Variants in NSUN4 observed in about 807,000 individuals in gnomAD.
NSUN4 encodes NOP2/Sun RNA methyltransferase 4.
In NSUN4, 31 loss-of-function variants were observed where a neutral mutation model predicts 43.8. The ratio of observed to expected loss-of-function variants is 0.71; its 90% CI spans 0.53 to 0.96. The LOEUF (loss-of-function observed/expected upper bound fraction) is 0.96, where lower values mean the gene tolerates loss of function less well. NSUN4 is among the 40% of genes least tolerant of loss of function. The pLI is 0.00. For synonymous variants in NSUN4, 167 were observed against 184.1 expected (o/e 0.91, Z 0.75); for missense variants, 439 against 475.6 (o/e 0.92, Z 0.72).
chr1:46,364,415 G>A lies in NSUN4; in HGVS notation c.*2569G>A, dbSNP rs41294486. On this transcript the variant is annotated 3_prime_UTR_variant, in exon 6 of 6. Coordinates refer to ENST00000474844, the MANE Select transcript of NSUN4 (RefSeq NM_199044.4). ...AGCTCGGCCAGGTGCGGTGGCTCAC[G>A]CCTGTAATCCCAAAACTTTGGAAGG... The A allele has an allele frequency of 0.065, 9,802 of 151,214 alleles. 444 individuals carry two copies. The highest frequency in any genetic ancestry group is 0.11 in the Middle Eastern group (33 of 294). 9.4% of individuals were successfully genotyped at this position (151,214 alleles called of 1,614,324 possible).
At chr1:46,360,939 G>A in intron 5 of NSUN4, 111 bp downstream of exon 5, 1 of 1,225,406 alleles carries the variant, frequency 8.2e-7, no homozygotes, top group Non-Finnish European at 1.2e-6. Flanking sequence ...TATGGCTGGA[G>A]ATCTGCCTAG....
At chr1:46,375,347 A>G in the NSUN4 span, among the ~76,000 whole-genome samples, 2 of 150,644 alleles carry the variant, frequency 1.3e-5, no homozygotes, top group East Asian at 4.1e-4. Context: ...AGGCAGGAGA[A>G]TTGCTTGAAC....
At chr1:46,348,709 CAAAAAAAAAAAA>C (rs34999763) in intron 3 of NSUN4, among the ~76,000 whole-genome samples, 3 of 52,138 alleles carry the variant, frequency 5.8e-5, no homozygotes, top group South Asian at 2.5e-3. Flanking sequence ...AACTCTGTCT[CAAAAAAAAAAAA>C]AAAAAAAAAA....
intron 4 of NSUN4, among the ~76,000 whole-genome samples, chr1:46,358,516 C>T (rs1374048539): frequency 6.6e-6 from 1 of 151,312 alleles, no homozygotes; most frequent in Non-Finnish European, 1.5e-5. Context: ...ATTCTTCTGC[C>T]TCAGCCTCCC....
At chr1:46,349,180 C>T (rs1399058573) in intron 3 of NSUN4, among the ~76,000 whole-genome samples, 1 of 147,550 alleles carries the variant, frequency 6.8e-6, no homozygotes, top group Non-Finnish European at 1.5e-5. Context: ...TGTTCTGTCA[C>T]CCAGGCTGGA....
intron 2 of NSUN4, among the ~76,000 whole-genome samples, chr1:46,346,502 A>G (rs1662505388): frequency 6.7e-6 from 1 of 149,102 alleles, no homozygotes; most frequent in African/African-American, 2.5e-5. Context: ...CAGTGAGCCA[A>G]GATTGCGCCA....
At chr1:46,371,503 TTAC>T in the NSUN4 span, among the ~76,000 whole-genome samples, 1 of 152,152 alleles carries the variant, frequency 6.6e-6, no homozygotes, top group Non-Finnish European at 1.5e-5. Context: ...AGACGGGGTT[TTAC>T]CATGTTAGCC....
chr1:46,378,016 G>A, the NSUN4 span, among the ~76,000 whole-genome samples: 1 of 152,274 alleles, frequency 6.6e-6, no homozygotes, highest in Non-Finnish European at 1.5e-5. Context: ...CAATTCTACA[G>A]TCTAGTTGTA....
chr1:46,383,765 T>A, the NSUN4 span, among the ~76,000 whole-genome samples: 2 of 152,144 alleles, frequency 1.3e-5, no homozygotes, highest in African/African-American at 4.8e-5. Flanking sequence ...AGGCTGGTGT[T>A]ATAAATAAAG....
chr1:46,341,132 C>T (rs554807942), intron 1 of NSUN4: 2 of 1,307,334 alleles, frequency 1.5e-6, no homozygotes, highest in South Asian at 1.9e-5. Flanking sequence ...TCTGCAGTCT[C>T]CTGACTCCGC....
intron 1 of NSUN4, chr1:46,343,630 G>A: frequency 2.5e-6 from 1 of 400,090 alleles, no homozygotes; most frequent in Non-Finnish European, 4.4e-6. Context: ...CATCTGAGCA[G>A]AAGTCCAAGT....
chr1:46,348,877 C>T (rs1226249455), intron 3 of NSUN4, among the ~76,000 whole-genome samples: 4 of 123,594 alleles, frequency 3.2e-5, no homozygotes, highest in East Asian at 5.6e-4. Flanking sequence ...TGCAGTGGCA[C>T]GATCTTAGCT....
At chr1:46,355,460 C>T (rs1663295455) in intron 4 of NSUN4, among the ~76,000 whole-genome samples, 1 of 152,144 alleles carries the variant, frequency 6.6e-6, no homozygotes, top group Non-Finnish European at 1.5e-5. Context: ...AGTTAAGCTT[C>T]AGCTTCTTCA....
chr1:46,374,189 G>A, the NSUN4 span, among the ~76,000 whole-genome samples: 337 of 150,456 alleles, frequency 2.2e-3, 1 homozygote, highest in African/African-American at 8.0e-3. Flanking sequence ...GGGAGGCTGA[G>A]GCAGGAGAAT....
At position 46,363,675 on chromosome 1, in the gene NSUN4, A is replaced by G. The variant is rs1484275762; in HGVS notation, c.*1829A>G. 1 of 152,644 alleles carries G rather than the reference A, an allele frequency of 6.6e-6. No homozygotes were observed. Among genetic ancestry groups the G allele is most frequent in the Non-Finnish European group, 1.5e-5 (1 of 68,038 alleles). 9.5% of individuals were successfully genotyped at this position (152,644 alleles called of 1,614,324 possible). A position where few individuals can be genotyped will look rare whatever the true frequency, so the allele number is the denominator to read the frequency against. On this transcript the variant is annotated 3_prime_UTR_variant, in exon 6 of 6. Transcript: ENST00000474844. Reference sequence around the variant, plus strand: ...GTACAAGAATATTCATAGCAACCCTATTCACAAAAGCAAAAGCCTAGAAAT... The same window carrying G: ...GTACAAGAATATTCATAGCAACCCTGTTCACAAAAGCAAAAGCCTAGAAAT...
chr1:46,379,777 A>G, the NSUN4 span, among the ~76,000 whole-genome samples: 75 of 152,310 alleles, frequency 4.9e-4, no homozygotes, highest in South Asian at 1.0e-3. Flanking sequence ...TCATTGCTTT[A>G]TAGATGGTGT....
intron 1 of NSUN4, 62 bp downstream of exon 1, chr1:46,340,981 GT>G: frequency 1.4e-6 from 2 of 1,449,302 alleles, no homozygotes; most frequent in East Asian, 2.4e-5. Flanking sequence ...CAGTCTTTCC[GT>G]TTCCCGGCCC....
Position 46,349,136 on chromosome 1 carries a change from G to T in NSUN4, c.592+2061G>T, listed in dbSNP as rs745789658. On this transcript the variant is annotated intron_variant, in intron 3 of 5. Coordinates refer to ENST00000474844, the MANE Select transcript of NSUN4 (RefSeq NM_199044.4). ...TCTTGTGCACTGTTTTTTTTGGTTT[G>T]TTTTTTTGTTTTTTTTTTTTTGAGA... Among the ~76,000 whole-genome samples, 497 of 107,214 alleles carry T rather than the reference G, an allele frequency of 4.6e-3. 16 individuals carry two copies. The East Asian group carries it at 0.12, about 26-fold the overall frequency. 70.3% of individuals were successfully genotyped at this position (107,214 alleles called of 152,430 possible).
chr1:46,341,343 G>A, intron 1 of NSUN4: 1 of 993,710 alleles, frequency 1.0e-6, no homozygotes, highest in Non-Finnish European at 1.2e-6. Flanking sequence ...CTCACCCCTC[G>A]GAAAATACCA....
Sources: allele counts gnomAD v4.1 joint callset (sites outside exome capture counted in the v4.1 genomes callset), GRCh38; gene constraint gnomAD v4.1.1; transcripts MANE v1.5; gene names NCBI Gene and HGNC (gene_info 2026-07-23, HGNC 2026-07-21).